The following SORCS3 variants were observed in gnomAD, a reference collection of about 807,000 sequenced individuals.
SORCS3 encodes the protein sortilin related VPS10 domain containing receptor 3, also known as VPS10 domain-containing receptor SorCS3.
Under a neutral mutation model 146.3 loss-of-function variants are expected in SORCS3, and 57 were observed. The ratio of observed to expected loss-of-function variants is 0.39; its 90% CI spans 0.31 to 0.49. The LOEUF is 0.49. SORCS3 is among the 20% of genes least tolerant of loss of function. SORCS3 has a pLI of 0.92. For synonymous variants in SORCS3, 653 were observed against 618.5 expected (o/e 1.06, Z -0.83); for missense variants, 1,341 against 1,575.5 (o/e 0.85, Z 2.52).
At chr10:104,662,775 G>A (rs142887969) in intron 1 of SORCS3, among the ~76,000 whole-genome samples, 110 of 152,278 alleles carry the variant, frequency 7.2e-4, no homozygotes, top group Middle Eastern at 3.4e-3. Flanking sequence ...GGTGTTTTTC[G>A]GAACTAGGAG....
At chr10:104,976,548 A>G (rs1353685671) in intron 3 of SORCS3, among the ~76,000 whole-genome samples, 3 of 152,298 alleles carry the variant, frequency 2.0e-5, no homozygotes, top group African/African-American at 7.2e-5. Flanking sequence ...TGACCCAGCC[A>G]TCCCATTACT....
At chr10:104,817,784 CA>C (rs1235169527) in intron 1 of SORCS3, among the ~76,000 whole-genome samples, 2 of 147,228 alleles carry the variant, frequency 1.4e-5, no homozygotes, top group African/African-American at 5.1e-5. Flanking sequence ...AGAAATCAGT[CA>C]GGGGGGATCA....
At chr10:104,723,633 T>C (rs2016580822) in intron 1 of SORCS3, among the ~76,000 whole-genome samples, 1 of 152,326 alleles carries the variant, frequency 6.6e-6, no homozygotes, top group South Asian at 2.1e-4. Flanking sequence ...TGTAGGTCTC[T>C]AAGGACTTGC....
chr10:104,738,096 C>T (rs1366510169), intron 1 of SORCS3, among the ~76,000 whole-genome samples: 3 of 152,132 alleles, frequency 2.0e-5, no homozygotes, highest in Non-Finnish European at 4.4e-5. Flanking sequence ...AGATATGCGG[C>T]GTTATTTCTG....
chr10:105,209,590 A>G (rs1308525462), intron 16 of SORCS3, among the ~76,000 whole-genome samples: 3 of 152,176 alleles, frequency 2.0e-5, no homozygotes, highest in Admixed American at 1.3e-4. Context: ...TGTAGCTTCC[A>G]CTTATAGTTA....
chr10:104,859,238 T>C (rs2018371793), intron 2 of SORCS3, among the ~76,000 whole-genome samples: 1 of 152,180 alleles, frequency 6.6e-6, no homozygotes, highest in Non-Finnish European at 1.5e-5. Flanking sequence ...CCATCTGATC[T>C]GATAGAGCCT....
At chr10:104,658,304 G>C (rs1478332878) in intron 1 of SORCS3, among the ~76,000 whole-genome samples, 1 of 152,176 alleles carries the variant, frequency 6.6e-6, no homozygotes, top group Non-Finnish European at 1.5e-5. Flanking sequence ...CTGAGATGAG[G>C]AGAGAAAAAT....
chr10:104,978,498 C>T (rs1163034708), intron 4 of SORCS3, among the ~76,000 whole-genome samples: 1 of 152,212 alleles, frequency 6.6e-6, no homozygotes, highest in East Asian at 1.9e-4. Context: ...CCCAGCATAG[C>T]TGGCTCTCTT....
At chr10:104,791,139 A>G (rs1177583513) in intron 1 of SORCS3, among the ~76,000 whole-genome samples, 1 of 152,186 alleles carries the variant, frequency 6.6e-6, no homozygotes, top group East Asian at 1.9e-4. Context: ...AAAGAACGTG[A>G]AAGAATGATC....
chr10:104,910,229 C>T (rs1047241951), intron 2 of SORCS3, among the ~76,000 whole-genome samples: 3 of 152,072 alleles, frequency 2.0e-5, no homozygotes, highest in African/African-American at 7.2e-5. Flanking sequence ...CCTGAGCAGG[C>T]GGTGAAACCA....
chr10:105,025,749 A>G (rs989945077), intron 4 of SORCS3, among the ~76,000 whole-genome samples: 13 of 151,822 alleles, frequency 8.6e-5, no homozygotes, highest in Non-Finnish European at 1.8e-4. Flanking sequence ...CCTTATCCCC[A>G]GCCCTTAGCA....
intron 1 of SORCS3, among the ~76,000 whole-genome samples, chr10:104,710,745 G>A (rs2016405802): frequency 6.6e-6 from 1 of 151,724 alleles, no homozygotes; most frequent in South Asian, 2.1e-4. Flanking sequence ...TGGCTCATAG[G>A]AGCTTTCTCC....
intron 2 of SORCS3, among the ~76,000 whole-genome samples, chr10:104,877,940 A>T (rs528701411): frequency 6.6e-6 from 1 of 152,160 alleles, no homozygotes; most frequent in East Asian, 1.9e-4. Flanking sequence ...AAATCTGTTT[A>T]CTTATTTATA....
intron 1 of SORCS3, among the ~76,000 whole-genome samples, chr10:104,672,933 G>A (rs551704525): frequency 6.6e-6 from 1 of 152,082 alleles, no homozygotes; most frequent in South Asian, 2.1e-4. Flanking sequence ...ATATTTTCAT[G>A]GTCTGTCATT....
Position 104,741,700 on chromosome 10 carries a change from G to GTTTTTTTT in SORCS3, c.627+99771_627+99778dup, listed in dbSNP as rs71022746. Among the ~76,000 whole-genome samples the GTTTTTTTT allele has an allele frequency of 1.5e-3, 5 of 3,266 alleles. 1 individual carries two copies. Among genetic ancestry groups the GTTTTTTTT allele is most frequent in the Non-Finnish European group, 2.2e-3 (4 of 1,784 alleles). 2.1% of individuals were successfully genotyped at this position (3,266 alleles called of 152,430 possible). Reference sequence around the variant, plus strand: ...CTTTCCTCTTTCCTTTCCATTCTGGGTTTTTTTTTTTTTTTTTTTTTTTTT... The same window carrying GTTTTTTTT: ...CTTTCCTCTTTCCTTTCCATTCTGGGTTTTTTTTTTTTTTTTTTTTTTTTTTTTTTTTT... On this transcript the variant is annotated intron_variant, in intron 1 of 26. Transcript: ENST00000369701.
rs142396755 is a variant in SORCS3 at position 105,095,261 on chromosome 10, C to T, written c.1093+5422C>T. Among the ~76,000 whole-genome samples the T allele has an allele frequency of 5.3e-5, 8 of 152,220 alleles. No homozygotes were observed. The East Asian group carries it at 1.4e-3, about 26-fold the overall frequency. On this transcript the variant is annotated intron_variant, in intron 6 of 26. Transcript: ENST00000369701. ...GTCCCCGATCCAGACTAACTTGGCT[C>T]ATAATTTAGGAATGATTCTGAGAAA...
chr10:104,721,627 T>C (rs892347275), intron 1 of SORCS3, among the ~76,000 whole-genome samples: 2 of 152,200 alleles, frequency 1.3e-5, no homozygotes, highest in Admixed American at 6.5e-5. Flanking sequence ...TGTTCTTCCA[T>C]TTGTTTGTAT....
chr10:104,726,923 A>T (rs967640855), intron 1 of SORCS3, among the ~76,000 whole-genome samples: 2 of 152,120 alleles, frequency 1.3e-5, no homozygotes, highest in Non-Finnish European at 2.9e-5. Context: ...CCCTGCTCCA[A>T]TACCATCTCT....
chr10:105,245,585 C>G lies in SORCS3; in HGVS notation c.2912C>G (p.Ala971Gly), dbSNP rs371064180. The change falls in exon 21 of 27, where the codon GCA (alanine) becomes GGA (glycine). Residue 971 changes from alanine to glycine, a missense_variant. Ala to Gly is a moderately conservative substitution (Grantham distance 60, BLOSUM62 0). Coordinates refer to ENST00000369701, the MANE Select transcript of SORCS3 (RefSeq NM_014978.3). Reference sequence around the variant, plus strand: ...AGCAGCATTTCCTTCACATTCCTTGCAGAAGGAACCGACACCATCACAGTC... The same window carrying G: ...AGCAGCATTTCCTTCACATTCCTTGGAGAAGGAACCGACACCATCACAGTC... ...LDSSISFTFL[A>G]EGTDTITVQV... 9.9e-6 allele frequency: 16 copies of G among 1,613,992 alleles called. No homozygotes were observed. The East Asian group carries it at 3.1e-4, about 31-fold the overall frequency.
Sources: gnomAD v4.1 joint callset for allele counts (sites outside exome capture counted in the v4.1 genomes callset) on GRCh38, gnomAD v4.1.1 for gene constraint, MANE v1.5 for transcripts, NCBI Gene and HGNC (gene_info 2026-07-23, HGNC 2026-07-21) for gene names.